COL24A1: variants seen among roughly 807,000 people sequenced by gnomAD.
The protein encoded by COL24A1 is collagen type XXIV alpha 1 chain.
In COL24A1, 224 loss-of-function variants were observed where a neutral mutation model predicts 253.9. That is an observed-to-expected ratio of 0.88 (90% CI 0.79 to 0.99). The LOEUF is 0.99. Ranked by LOEUF, COL24A1 falls within the 50% of genes least tolerant of loss-of-function variation. The probability of loss-of-function intolerance (pLI) is 0.00; values close to 1 mark genes in which losing one functional copy is unlikely to be tolerated. For missense variants in COL24A1, 2,131 were observed against 2,068.5 expected (o/e 1.03, Z -0.59); for synonymous variants, 685 against 673.7 (o/e 1.02, Z -0.26).
chr1:85,859,600 TA>T (rs1414714295), intron 37 of COL24A1, among the ~76,000 whole-genome samples: 19 of 152,222 alleles, frequency 1.2e-4, no homozygotes, highest in Admixed American at 1.2e-3. Flanking sequence ...GTTGTTGTTA[TA>T]TTTTTTTTAG....
intron 24 of COL24A1, among the ~76,000 whole-genome samples, chr1:85,913,883 CTA>C (rs1453070206): frequency 1.3e-5 from 2 of 152,166 alleles, no homozygotes; most frequent in Non-Finnish European, 2.9e-5. Flanking sequence ...ATCCAGGCTA[CTA>C]TAACAAAAAT....
chr1:85,907,437 G>A (rs1684949649), intron 27 of COL24A1, among the ~76,000 whole-genome samples, 190 bp from the exon 28 acceptor site: 1 of 151,768 alleles, frequency 6.6e-6, no homozygotes, highest in Non-Finnish European at 1.5e-5. Context: ...CTACTATTTG[G>A]ACAAATTTAA....
Position 86,137,386 on chromosome 1 carries a change from G to A in COL24A1, c.121+8733C>T, listed in dbSNP as rs184873749. ...AAGTCACATAATTTGCATAACAACTGTATGAAGTAGGCACTGTTGTTATCT... is the reference window on the plus strand; with the variant it reads ...AAGTCACATAATTTGCATAACAACTATATGAAGTAGGCACTGTTGTTATCT... On this transcript the variant is annotated intron_variant, in intron 2 of 59. Coordinates refer to ENST00000370571, the MANE Select transcript of COL24A1 (RefSeq NM_152890.7). Among the ~76,000 whole-genome samples the A allele has an allele frequency of 6.6e-5, 10 of 152,198 alleles. No homozygotes were observed. In the South Asian group the frequency reaches 1.5e-3, roughly 22 times the overall value.
intron 24 of COL24A1, among the ~76,000 whole-genome samples, chr1:85,939,917 T>C (rs1320745121): frequency 1.3e-5 from 2 of 151,522 alleles, no homozygotes; most frequent in African/African-American, 4.9e-5. Flanking sequence ...CATGAAGTAG[T>C]AGTATAAATA....
chr1:86,013,516 G>A (rs1387239957), intron 19 of COL24A1, among the ~76,000 whole-genome samples: 1 of 152,166 alleles, frequency 6.6e-6, no homozygotes, highest in South Asian at 2.1e-4. Flanking sequence ...CTATATTTCA[G>A]GCAAAAGCCT....
intron 11 of COL24A1, among the ~76,000 whole-genome samples, chr1:86,048,105 A>C (rs1700039271): frequency 6.6e-6 from 1 of 152,146 alleles, no homozygotes; most frequent in Non-Finnish European, 1.5e-5. Flanking sequence ...TTATTTCCTA[A>C]ATTTTCAGTA....
intron 37 of COL24A1, among the ~76,000 whole-genome samples, chr1:85,864,457 G>A (rs1679552224): frequency 6.6e-6 from 1 of 151,636 alleles, no homozygotes; most frequent in African/African-American, 2.4e-5. Context: ...CTAGTTAATG[G>A]GTGCAGCACA....
chr1:86,141,200 T>C (rs900467829), intron 2 of COL24A1, among the ~76,000 whole-genome samples: 5 of 152,206 alleles, frequency 3.3e-5, no homozygotes, highest in African/African-American at 1.2e-4. Flanking sequence ...CAAATGCTAA[T>C]GACAGGCAGG....
intron 43 of COL24A1, among the ~76,000 whole-genome samples, chr1:85,826,051 G>A (rs1157166915): frequency 7.4e-6 from 1 of 135,560 alleles, no homozygotes; most frequent in African/African-American, 2.7e-5. Context: ...GGTTTTTATG[G>A]TTTTAGGTCT....
chr1:85,936,384 G>T (rs1279665330), intron 24 of COL24A1, among the ~76,000 whole-genome samples: 2 of 146,982 alleles, frequency 1.4e-5, no homozygotes, highest in African/African-American at 5.0e-5. Context: ...AATAACTAGG[G>T]TTAAATCACA....
chr1:85,950,200 AT>A (rs570289318), intron 24 of COL24A1, among the ~76,000 whole-genome samples: 3 of 152,100 alleles, frequency 2.0e-5, no homozygotes, highest in East Asian at 3.8e-4. Flanking sequence ...AAAAGCAAGA[AT>A]TTTTTTTAAC....
intron 52 of COL24A1, among the ~76,000 whole-genome samples, chr1:85,778,502 T>C (rs915683222): frequency 2.6e-5 from 4 of 151,954 alleles, no homozygotes; most frequent in African/African-American, 9.7e-5. Context: ...CTTTTTTCCA[T>C]ACAAAATGAA....
chr1:85,748,662 G>C (rs1345177671), intron 55 of COL24A1, among the ~76,000 whole-genome samples: 1 of 144,694 alleles, frequency 6.9e-6, no homozygotes, highest in Non-Finnish European at 1.5e-5. Flanking sequence ...GTGGGCGCAG[G>C]CCAGTGTGTG....
intron 3 of COL24A1, among the ~76,000 whole-genome samples, chr1:86,117,041 A>G (rs534552601): frequency 6.6e-6 from 1 of 152,330 alleles, no homozygotes; most frequent in African/African-American, 2.4e-5. Context: ...TGTCCCCAAA[A>G]ATAAGAGCCA....
At chr1:86,085,820 T>C (rs189247502) in intron 7 of COL24A1, among the ~76,000 whole-genome samples, 4 of 152,262 alleles carry the variant, frequency 2.6e-5, no homozygotes, top group Non-Finnish European at 4.4e-5. Context: ...ACATATTGCT[T>C]GTTAAAAATG....
At chr1:85,823,764 T>C (rs371585250) in intron 43 of COL24A1, 26 bp from the exon 44 acceptor site, 24 of 1,598,042 alleles carry the variant, frequency 1.5e-5, no homozygotes, top group Non-Finnish European at 2.0e-5. Context: ...ATTACATTAT[T>C]AGAGTAAGTA....
chr1:85,858,641 TTCC>T (rs1678758755), intron 37 of COL24A1, among the ~76,000 whole-genome samples: 6 of 146,906 alleles, frequency 4.1e-5, no homozygotes, highest in East Asian at 2.0e-4. Flanking sequence ...CCTTCCTTCC[TTCC>T]TTCCTTCCTT....
intron 55 of COL24A1, among the ~76,000 whole-genome samples, chr1:85,748,572 G>A (rs1665545005): frequency 6.6e-6 from 1 of 151,818 alleles, no homozygotes; most frequent in Non-Finnish European, 1.5e-5. Flanking sequence ...ACAGCTCCCA[G>A]CGTGAGCCAC....
rs1267469723 is a variant in COL24A1, at chr1:86,022,778, A to G, written c.2148+55T>C. The G allele has an allele frequency of 1.1e-4, 145 of 1,333,720 alleles. 1 individual carries two copies. Among genetic ancestry groups the G allele is most frequent in the Non-Finnish European group, 7.9e-6 (8 of 1,006,568 alleles). 82.6% of individuals were successfully genotyped at this position (1,333,720 alleles called of 1,614,324 possible). ...TATTTCATAAATTGTGTTGACTGAA[A>G]AGTAAAAGACAAATGTGATAAAAAT... On this transcript the variant is annotated intron_variant, in intron 16 of 59. Coordinates refer to ENST00000370571, the MANE Select transcript of COL24A1 (RefSeq NM_152890.7).
Sources: allele counts gnomAD v4.1 joint callset (sites outside exome capture counted in the v4.1 genomes callset), GRCh38; gene constraint gnomAD v4.1.1; transcripts MANE v1.5; gene names NCBI Gene and HGNC (gene_info 2026-07-23, HGNC 2026-07-21).